The following RABGAP1L variants were observed in gnomAD, a reference collection of about 807,000 sequenced individuals.
RABGAP1L encodes the protein RAB GTPase activating protein 1 like.
Under a neutral mutation model 137.7 loss-of-function variants are expected in RABGAP1L, and 63 were observed. That is an observed-to-expected ratio of 0.46 (90% CI 0.37 to 0.56). The LOEUF is 0.56. Among genes scored for constraint, RABGAP1L ranks in the 20% least tolerant of loss-of-function variants. The pLI, the probability that RABGAP1L is intolerant of heterozygous loss-of-function variation, is 0.00. For missense variants in RABGAP1L, 1,095 were observed against 1,244.0 expected, an observed-to-expected ratio of 0.88 and a Z score of 1.80; for synonymous variants, 431 against 433.7, an observed-to-expected ratio of 0.99 and a Z score of 0.08.
chr1:174,615,457 C>G (rs1671734702), intron 13 of RABGAP1L, among the ~76,000 whole-genome samples: 1 of 152,202 alleles, frequency 6.6e-6, no homozygotes, highest in African/African-American at 2.4e-5. Flanking sequence ...GAGGAGTACC[C>G]TGCCATGTCA....
chr1:174,730,683 A>G (rs1682390977), intron 17 of RABGAP1L, among the ~76,000 whole-genome samples: 5 of 152,312 alleles, frequency 3.3e-5, no homozygotes, highest in African/African-American at 4.8e-5. Context: ...TAAAGTGTCT[A>G]TCCACAGTAT....
At chr1:174,260,363 A>C (rs1045916773) in intron 7 of RABGAP1L, among the ~76,000 whole-genome samples, 1 of 152,242 alleles carries the variant, frequency 6.6e-6, no homozygotes, top group Non-Finnish European at 1.5e-5. Flanking sequence ...GCAGAATTTA[A>C]AAGTGCGAAC....
intron 10 of RABGAP1L, among the ~76,000 whole-genome samples, chr1:174,279,675 G>C (rs1041794974): frequency 3.3e-5 from 5 of 152,040 alleles, no homozygotes; most frequent in Non-Finnish European, 7.4e-5. Flanking sequence ...TATTATGGCT[G>C]TTATTTGACT....
rs551212939 is a variant in RABGAP1L, at chr1:174,740,377, C to G, written c.2170-11936C>G. Among the ~76,000 whole-genome samples, 6 of 152,114 alleles carry G rather than the reference C, an allele frequency of 3.9e-5. No individual in the cohort carries two copies. In the East Asian group the frequency reaches 1.2e-3, roughly 29 times the overall value. ...AGATGAATACACTCATTACTGGTTT[C>G]CCAACATGATATAAACCTAGGACTT... On this transcript the variant is annotated intron_variant, in intron 17 of 25. Transcript: ENST00000681986.
intron 19 of RABGAP1L, chr1:174,897,519 T>C (rs1030389288): frequency 6.6e-6 from 1 of 152,214 alleles, no homozygotes; most frequent in Non-Finnish European, 1.5e-5. Flanking sequence ...CCACCTATGC[T>C]AAGATAAAAG....
At chr1:174,403,473 T>C (rs972668117) in intron 13 of RABGAP1L, among the ~76,000 whole-genome samples, 6 of 152,102 alleles carry the variant, frequency 3.9e-5, no homozygotes, top group Non-Finnish European at 7.4e-5. Context: ...GTCCCAACAT[T>C]CTAAGCCTCA....
intron 13 of RABGAP1L, among the ~76,000 whole-genome samples, chr1:174,634,924 C>T (rs1486030705): frequency 1.0e-4 from 15 of 144,328 alleles, no homozygotes; most frequent in South Asian, 2.2e-4. Context: ...GGGAGATATA[C>T]CTAATGCTAG....
At chr1:174,288,316 A>G (rs1397002829) in intron 10 of RABGAP1L, among the ~76,000 whole-genome samples, 1 of 152,170 alleles carries the variant, frequency 6.6e-6, no homozygotes, top group Non-Finnish European at 1.5e-5. Flanking sequence ...TTATACATTT[A>G]TATGTTTTTA....
chr1:174,708,253 C>G (rs1572875688), intron 17 of RABGAP1L, among the ~76,000 whole-genome samples: 1 of 152,144 alleles, frequency 6.6e-6, no homozygotes, highest in Non-Finnish European at 1.5e-5. Context: ...TTATTTATTA[C>G]ACAATATTCT....
chr1:174,642,458 A>G (rs1412857080), intron 14 of RABGAP1L, among the ~76,000 whole-genome samples: 1 of 152,146 alleles, frequency 6.6e-6, no homozygotes, highest in African/African-American at 2.4e-5. Context: ...TACATTATTT[A>G]TATTGCTTTC....
At chr1:174,308,608 T>G (rs1678525702) in intron 11 of RABGAP1L, among the ~76,000 whole-genome samples, 1 of 152,122 alleles carries the variant, frequency 6.6e-6, no homozygotes, top group Non-Finnish European at 1.5e-5. Flanking sequence ...TATCCAGTTT[T>G]TCCAAAACCA....
At chr1:174,619,536 A>G (rs1322379632) in intron 13 of RABGAP1L, among the ~76,000 whole-genome samples, 3 of 152,208 alleles carry the variant, frequency 2.0e-5, no homozygotes, top group Admixed American at 6.5e-5. Context: ...ATCCAGCCAA[A>G]CTAAGCTTCA....
intron 19 of RABGAP1L, among the ~76,000 whole-genome samples, chr1:174,853,567 T>C (rs376076749): frequency 7.9e-5 from 12 of 152,004 alleles, no homozygotes; most frequent in African/African-American, 2.9e-4. Flanking sequence ...CTGTCTCTAC[T>C]AAAAATACAA....
chr1:174,416,873 T>G (rs1305374423), intron 13 of RABGAP1L, among the ~76,000 whole-genome samples: 1 of 152,140 alleles, frequency 6.6e-6, no homozygotes, highest in Non-Finnish European at 1.5e-5. Context: ...GATTATTATA[T>G]CTAGGATTTG....
At position 174,751,895 on chromosome 1, in the gene RABGAP1L, G is replaced by GT. The variant is rs905718512; in HGVS notation, c.2170-409dup. 1.8e-4 allele frequency among the ~76,000 whole-genome samples: 28 copies of GT among 151,468 alleles called. No individual in the cohort carries two copies. The South Asian group carries it at 3.3e-3, about 18-fold the overall frequency. On this transcript the variant is annotated intron_variant, in intron 17 of 25. Transcript: ENST00000681986. ...TCCCACTTATCAGCAACACTGCCTT[G>GT]TTTTTTTTTATTTTATTCTGTCTGC...
chr1:174,216,844 G>A (rs1669364961), intron 1 of RABGAP1L, among the ~76,000 whole-genome samples: 1 of 151,988 alleles, frequency 6.6e-6, no homozygotes, highest in African/African-American at 2.4e-5. Flanking sequence ...GAAGCAGTTT[G>A]AATTTTATTT....
rs151195351 is a variant in RABGAP1L, at chr1:174,167,462, G to A, written c.-34+7805G>A. ...ATTTGTGGTGAAAATACACCCACCT[G>A]GCAAATGGTTGAAAACAAGTGTTCT... On this transcript the variant is annotated intron_variant, in intron 1 of 25. Coordinates refer to ENST00000681986, the MANE Select transcript of RABGAP1L (RefSeq NM_001366446.1). Among the ~76,000 whole-genome samples, 849 of 152,254 alleles carry A rather than the reference G, an allele frequency of 5.6e-3. 4 individuals carry two copies. The highest frequency in any genetic ancestry group is 0.01 in the South Asian group (49 of 4,826).
At chr1:174,676,987 T>G (rs1384144210) in intron 14 of RABGAP1L, among the ~76,000 whole-genome samples, 1 of 152,048 alleles carries the variant, frequency 6.6e-6, no homozygotes, top group African/African-American at 2.4e-5. Context: ...ACATCAAGAT[T>G]TTAATATTTG....
At chr1:174,392,278 A>G (rs1294566426) in intron 12 of RABGAP1L, among the ~76,000 whole-genome samples, 1 of 152,202 alleles carries the variant, frequency 6.6e-6, no homozygotes. Context: ...TTACACAGAT[A>G]TTTTGGAGTA....
Sources: gnomAD v4.1 joint callset for allele counts (sites outside exome capture counted in the v4.1 genomes callset) on GRCh38, gnomAD v4.1.1 for gene constraint, MANE v1.5 for transcripts, NCBI Gene and HGNC (gene_info 2026-07-23, HGNC 2026-07-21) for gene names.